Variants in ZNF454 observed in about 807,000 individuals in gnomAD.
ZNF454 encodes zinc finger protein 454.
Under a neutral mutation model 48.2 loss-of-function variants are expected in ZNF454, and 30 were observed. The observed-to-expected ratio is 0.62, with a 90% CI of 0.47 to 0.84. ZNF454 has a LOEUF of 0.84. Ranked by LOEUF, ZNF454 falls within the 40% of genes least tolerant of loss-of-function variation. ZNF454 has a pLI of 0.00. For synonymous variants in ZNF454, 204 were observed against 211.4 expected, an observed-to-expected ratio of 0.97 and a Z score of 0.30; for missense variants, 510 against 623.1, an observed-to-expected ratio of 0.82 and a Z score of 1.93.
the ZNF454 span, chr5:178,986,451 G>A: frequency 9.3e-5 from 150 of 1,613,028 alleles, no homozygotes; most frequent in African/African-American, 9.3e-5. Flanking sequence ...CCACCACCGT[G>A]GTAGTGGCCA....
the ZNF454 span, chr5:178,977,311 T>A: frequency 2.3e-6 from 1 of 428,448 alleles, no homozygotes; most frequent in African/African-American, 2.0e-5. Flanking sequence ...ATTAGAGCCC[T>A]TATAAAAGAG....
At chr5:178,975,110 C>G in the ZNF454 span, among the ~76,000 whole-genome samples, 1 of 152,160 alleles carries the variant, frequency 6.6e-6, no homozygotes, top group South Asian at 2.1e-4. Flanking sequence ...GAGTTCAAGA[C>G]CAGCCTGGCC....
chr5:178,987,063 G>A, the ZNF454 span: 4 of 1,389,892 alleles, frequency 2.9e-6, no homozygotes, highest in Non-Finnish European at 4.0e-6. Flanking sequence ...GGGACCAGCA[G>A]GAGAAAGGAG....
the ZNF454 span, chr5:178,983,172 A>G: frequency 2.5e-6 from 4 of 1,613,784 alleles, no homozygotes; most frequent in Admixed American, 1.7e-5. Flanking sequence ...CTCATAGTCA[A>G]TCACGCTGTG....
At chr5:178,979,264 A>G in the ZNF454 span, 1 of 152,230 alleles carries the variant, frequency 6.6e-6, no homozygotes, top group Non-Finnish European at 1.5e-5. Context: ...TAACATAAAG[A>G]AATGATCACA....
chr5:178,962,260 AGG>A (rs1760032193), intron 4 of ZNF454, among the ~76,000 whole-genome samples: 1 of 151,044 alleles, frequency 6.6e-6, no homozygotes, highest in African/African-American at 2.4e-5. Context: ...GCTTTTTCAA[AGG>A]TAGTGTATCA....
the ZNF454 span, among the ~76,000 whole-genome samples, chr5:178,984,562 G>A: frequency 6.6e-6 from 1 of 152,184 alleles, no homozygotes; most frequent in Admixed American, 6.5e-5. Context: ...TGAGGCTGGG[G>A]AGGAGAGCTG....
Position 178,942,790 on chromosome 5 carries a change from G to T in ZNF454, c.-2G>T. On this transcript the variant is annotated 5_prime_UTR_variant, in exon 2 of 5. Transcript: ENST00000519564. ...CTAAGAGGGCTCATCGGAGAAGAAA[G>T]AATGGCTGTCAGCCACCTGCCAACC... is the stretch of plus-strand genomic sequence containing the variant. 6.2e-7 allele frequency: 1 copy of T among 1,614,014 alleles called. No homozygotes were observed. Among genetic ancestry groups the T allele is most frequent in the Non-Finnish European group, 8.5e-7 (1 of 1,179,972 alleles).
At chr5:178,985,528 C>T in the ZNF454 span, 45 of 338,678 alleles carry the variant, frequency 1.3e-4, no homozygotes, top group Middle Eastern at 2.2e-3. Context: ...ACGGTGAAGC[C>T]CTGTCTCTAC....
downstream of ZNF454, among the ~76,000 whole-genome samples, chr5:178,970,718 G>A (rs937125360): frequency 6.6e-5 from 10 of 152,044 alleles, no homozygotes; most frequent in African/African-American, 1.4e-4. Flanking sequence ...CCTCAGCCGC[G>A]TCACTATCCT....
In ZNF454 at chr5:178,966,075, A is replaced by G. The variant is rs927375860; in HGVS notation, c.*102A>G. 15 of 1,076,800 alleles carry G rather than the reference A, an allele frequency of 1.4e-5. No individual in the cohort carries two copies. Among genetic ancestry groups the G allele is most frequent in the Non-Finnish European group, 1.7e-5 (13 of 751,664 alleles). 66.7% of individuals were successfully genotyped at this position (1,076,800 alleles called of 1,614,324 possible). ...AATAACTATGAAAGCTTGCATCAAG[A>G]TAGTCACTTTATTTACTGAGGGTCA... On this transcript the variant is annotated 3_prime_UTR_variant, in exon 5 of 5. Coordinates refer to ENST00000519564, the MANE Select transcript of ZNF454 (RefSeq NM_001178089.3).
chr5:178,984,383 G>A, the ZNF454 span, among the ~76,000 whole-genome samples: 1 of 152,208 alleles, frequency 6.6e-6, no homozygotes, highest in Non-Finnish European at 1.5e-5. Flanking sequence ...CCCCATGGCC[G>A]GCGCACTGGT....
the ZNF454 span, chr5:178,989,211 A>AACCCCCCCCCCCCCCCC: frequency 8.2e-6 from 1 of 121,736 alleles, no homozygotes. Context: ...CCCCCTCCCC[A>AACCCCCCCCCCCCCCCC]CCCTCACCAC....
chr5:178,948,563 T>C (rs1414221966), intron 4 of ZNF454, among the ~76,000 whole-genome samples: 1 of 152,116 alleles, frequency 6.6e-6, no homozygotes, highest in Non-Finnish European at 1.5e-5. Flanking sequence ...GTGTGGGTGA[T>C]GACATGAAGG....
At chr5:178,945,082 TGG>T (rs757839402) in intron 2 of ZNF454, among the ~76,000 whole-genome samples, 995 of 91,692 alleles carry the variant, frequency 0.011, 9 homozygotes, top group Non-Finnish European at 0.017. Context: ...GGGGTATTTG[TGG>T]GGGGGTGTGT....
At chr5:178,987,150 T>C in the ZNF454 span, 1 of 748,528 alleles carries the variant, frequency 1.3e-6, no homozygotes, top group Non-Finnish European at 2.3e-6. Context: ...CCCATTGGGA[T>C]GGCTTCTAGC....
At chr5:178,982,844 C>G in the ZNF454 span, 5 of 1,130,302 alleles carry the variant, frequency 4.4e-6, no homozygotes. Flanking sequence ...CATTTAATCT[C>G]ATGAATGAAT....
chr5:178,984,018 A>G, the ZNF454 span, among the ~76,000 whole-genome samples: 7,500 of 152,282 alleles, frequency 0.049, 236 homozygotes, highest in East Asian at 0.15. Context: ...GATGCTTTGC[A>G]GTCATCTGCC....
chr5:178,955,615 G>A (rs1759717040), intron 4 of ZNF454, among the ~76,000 whole-genome samples: 1 of 152,158 alleles, frequency 6.6e-6, no homozygotes, highest in Admixed American at 6.6e-5. Context: ...TGATATTCAT[G>A]AGTGATATTA....
Sources: allele counts gnomAD v4.1 joint callset (sites outside exome capture counted in the v4.1 genomes callset), GRCh38; gene constraint gnomAD v4.1.1; transcripts MANE v1.5; gene names NCBI Gene and HGNC (gene_info 2026-07-23, HGNC 2026-07-21).